Variants in CILP2 observed in about 807,000 individuals in gnomAD.
The protein encoded by CILP2 is CILP-2.
CILP2 carries 38 observed loss-of-function variants against 45.6 expected under a neutral mutation model. That is an observed-to-expected ratio of 0.83 (90% CI 0.64 to 1.09). The LOEUF (loss-of-function observed/expected upper bound fraction) is 1.09, where lower values mean the gene tolerates loss of function less well. Among genes scored for constraint, CILP2 ranks in the 50% least tolerant of loss-of-function variants. The pLI, the probability that CILP2 is intolerant of heterozygous loss-of-function variation, is 0.00. For synonymous variants in CILP2, 780 were observed against 723.5 expected (o/e 1.08, Z -1.25); for missense variants, 1,735 against 1,662.2 (o/e 1.04, Z -0.76).
At position 19,545,456 on chromosome 19, in the gene CILP2, G is replaced by T. The variant is rs1327562050; in HGVS notation, c.2911G>T (p.Gly971Ter). Reference sequence around the variant, plus strand: ...CCCACGCACCCGCGGCCAGCTCTACGGACTTCGGGATGCCCGGAGTGTGCG... The same window carrying T: ...CCCACGCACCCGCGGCCAGCTCTACTGACTTCGGGATGCCCGGAGTGTGCG... ...SHPRTRGQLY[G>*]LRDARSVRDP... Residue 971 changes from glycine to a stop codon, truncating the protein, a stop_gained, in exon 8 of 8, where the codon GGA becomes TGA. Transcript: ENST00000291495. LOFTEE classifies it low-confidence loss of function (END_TRUNC). 6.2e-7 allele frequency: 1 copy of T among 1,612,252 alleles called. No homozygotes were observed. The highest frequency in any genetic ancestry group is 8.5e-7 in the Non-Finnish European group (1 of 1,179,642).
In CILP2 at chr19:19,542,452, C is replaced by A. The variant is rs1333130654; in HGVS notation, c.670C>A (p.Leu224Ile). Reference protein sequence around the residue: ...SVVTPSGQPLLGARVSLRDQP... With the variant: ...SVVTPSGQPLIGARVSLRDQP... The stretch of plus-strand genomic sequence containing the variant: ...GGTCACCCCATCTGGGCAACCACTG[C>A]TAGGAGCCAGGGTCTCCCTGCGAGA... The change falls in exon 5 of 8, where the codon CTA (leucine) becomes ATA (isoleucine). Residue 224 changes from leucine (L) to isoleucine (I), a missense_variant. Transcript: ENST00000291495. The A allele has an allele frequency of 6.2e-7, 1 of 1,612,816 alleles. No individual in the cohort carries two copies. Among genetic ancestry groups the A allele is most frequent in the East Asian group, 2.2e-5 (1 of 44,876 alleles).
In CILP2 at chr19:19,544,075, C is replaced by A; in HGVS notation, c.1530C>A (p.Thr510=). Residue 510 remains threonine, a synonymous_variant, in exon 8 of 8, where the codon ACC becomes ACA. Transcript: ENST00000291495. ...TCACCGCCTACCAGGGCGACTTTAC[C>A]ATTGAGGTGCCGCCCTCCACCCAGC... ...IGFTAYQGDF[T]IEVPPSTQRL... The A allele has an allele frequency of 6.2e-7, 1 of 1,614,032 alleles. No individual in the cohort carries two copies. Among genetic ancestry groups the A allele is most frequent in the Non-Finnish European group, 8.5e-7 (1 of 1,180,020 alleles).
intron 5 of CILP2, 88 bp from the exon 6 acceptor site, chr19:19,542,776 C>A (rs2061249194): frequency 1.3e-6 from 2 of 1,562,292 alleles, no homozygotes; most frequent in East Asian, 4.5e-5. Context: ...AGTGAGTCGG[C>A]ATTTCTGGGA....
intron 5 of CILP2, 66 bp downstream of exon 5, chr19:19,542,716 ATC>A: frequency 1.9e-6 from 3 of 1,598,204 alleles, no homozygotes; most frequent in Non-Finnish European, 2.6e-6. Flanking sequence ...CTAGCACTCG[ATC>A]AAGAGAGGAA....
At position 19,540,458 on chromosome 19, in the gene CILP2, C is replaced by T; in HGVS notation, c.418C>T (p.Arg140Cys). 1.4e-6 allele frequency: 2 copies of T among 1,435,422 alleles called. No individual in the cohort carries two copies. Among genetic ancestry groups the T allele is most frequent in the South Asian group, 2.9e-5 (2 of 70,010 alleles). The allele number at this position is 1,435,422 out of a possible 1,614,324, so 88.9% of individuals were successfully genotyped here. ...CCGCCGCTGCTCCAACTACCACGTG[C>T]GCTTCCGCTGCCCACTAGGTGAGGG... is the stretch of plus-strand genomic sequence containing the variant. ...RGRRCSNYHV[R>C]FRCPLEASWG... Residue 140 changes from arginine to cysteine, a missense_variant, in exon 3 of 8, where the codon CGC (arginine) becomes TGC (cysteine). Arg to Cys is a radical substitution (Grantham distance 180). Transcript: ENST00000291495.
chr19:19,541,247 G>C lies in CILP2; in HGVS notation c.592+1G>C. The stretch of plus-strand genomic sequence containing the variant: ...AAGTGCGTGCGGCCTCGGTGTCCAG[G>C]TAGGAGGGGCGGGGTCTGGAGGCTG... On this transcript the variant is annotated splice_donor_variant, in intron 4 of 7. Transcript: ENST00000291495. LOFTEE classifies it high-confidence loss of function. 7.8e-7 allele frequency: 1 copy of C among 1,289,014 alleles called. No homozygotes were observed. The highest frequency in any genetic ancestry group is 9.8e-7 in the Non-Finnish European group (1 of 1,016,958). The allele number at this position is 1,289,014 out of a possible 1,614,324, so 79.8% of individuals were successfully genotyped here. A position where few individuals can be genotyped will look rare whatever the true frequency, so the allele number is the denominator to read the frequency against.
At chr19:19,540,620 C>A in intron 3 of CILP2, 144 bp downstream of exon 3, 2 of 945,852 alleles carry the variant, frequency 2.1e-6, no homozygotes, top group East Asian at 3.2e-5. Flanking sequence ...GACCCTTAGG[C>A]GTAGGACGAC....
rs139539877 is a variant in CILP2 at position 19,544,086 on chromosome 19, C to A, written c.1541C>A (p.Pro514Gln). The change falls in exon 8 of 8, where the codon CCG (proline) becomes CAG (glutamine). Residue 514 changes from proline (P) to glutamine (Q), a missense_variant. Transcript: ENST00000291495. Reference sequence around the variant, plus strand: ...CAGGGCGACTTTACCATTGAGGTGCCGCCCTCCACCCAGCGGCTGGTGGTG... The same window carrying A: ...CAGGGCGACTTTACCATTGAGGTGCAGCCCTCCACCCAGCGGCTGGTGGTG... Reference protein sequence around the residue: ...AYQGDFTIEVPPSTQRLVVTF... With the variant: ...AYQGDFTIEVQPSTQRLVVTF... 1 of 1,614,010 alleles carries A rather than the reference C, an allele frequency of 6.2e-7. No individual in the cohort carries two copies. The highest frequency in any genetic ancestry group is 1.7e-5 in the Admixed American group (1 of 60,024).
rs763791673 is a variant in CILP2, at chr19:19,543,662, A to T, written c.1136-19A>T. ...AGTCCTCCTCCCTGCCCTGACCTGC[A>T]TGTTTTCTTTGTCCCCAGCCCCAGG... On this transcript the variant is annotated intron_variant, in intron 7 of 7. Transcript: ENST00000291495. 1.3e-6 allele frequency: 2 copies of T among 1,575,490 alleles called. No homozygotes were observed. The highest frequency in any genetic ancestry group is 2.2e-5 in the East Asian group (1 of 44,490).
At position 19,545,986 on chromosome 19, in the gene CILP2, C is replaced by A. The variant is rs371775220; in HGVS notation, c.3441C>A (p.Leu1147=). The change falls in exon 8 of 8, where the codon CTC becomes CTA. Residue 1147 remains leucine, a synonymous_variant. Coordinates refer to ENST00000291495, the MANE Select transcript of CILP2 (RefSeq NM_153221.2). The stretch of plus-strand genomic sequence containing the variant: ...CACAGGCCCGGGCCTCAGGTCCCCT[C>A]CGCACCCGCCGGGGTAGGGTCCGGC... The part of the protein sequence containing the change: ...AQAQARASGP[L]RTRRGRVRQ The A allele has an allele frequency of 2.7e-6, 4 of 1,507,038 alleles. No homozygotes were observed. The highest frequency in any genetic ancestry group is 2.6e-5 in the South Asian group (2 of 76,366). 93.4% of individuals were successfully genotyped at this position (1,507,038 alleles called of 1,614,324 possible). A position where few individuals can be genotyped will look rare whatever the true frequency, so the allele number is the denominator to read the frequency against.
Position 19,545,692 on chromosome 19 carries a change from G to A in CILP2, c.3147G>A (p.Leu1049=). 1.2e-6 allele frequency: 2 copies of A among 1,612,408 alleles called. No individual in the cohort carries two copies. The highest frequency in any genetic ancestry group is 1.1e-5 in the South Asian group (1 of 90,940). Residue 1049 remains leucine (L), a synonymous_variant, in exon 8 of 8, where the codon CTG becomes CTA. Transcript: ENST00000291495. ...AGGACCCAGCTGCCTTCTCCATGCT[G>A]GCCCCCCTAGACCCTCTGGGCCACA... ...PAEDPAAFSM[L]APLDPLGHNY...
rs779080315 is a variant in CILP2, at chr19:19,545,744, C to T, written c.3199C>T (p.Gln1067Ter). ...CTATGGCGTCTACACTGTCACTGAC[C>T]AGAGCCCACGCTTGGCCAAGGAGAT... ...HNYGVYTVTD[Q>*]SPRLAKEIAI... The change falls in exon 8 of 8, where the codon CAG (glutamine) becomes TAG (stop). Residue 1067 changes from glutamine (Q) to a stop codon, truncating the protein, a stop_gained. Coordinates refer to ENST00000291495, the MANE Select transcript of CILP2 (RefSeq NM_153221.2). LOFTEE classifies it low-confidence loss of function (END_TRUNC). 1 of 1,612,738 alleles carries T rather than the reference C, an allele frequency of 6.2e-7. No homozygotes were observed. Among genetic ancestry groups the T allele is most frequent in the East Asian group, 2.2e-5 (1 of 44,860 alleles).
rs1317540879 is a variant in CILP2, at chr19:19,545,578, C to A, written c.3033C>A (p.Thr1011=). 1.2e-6 allele frequency: 2 copies of A among 1,610,902 alleles called. No individual in the cohort carries two copies. Among genetic ancestry groups the A allele is most frequent in the Non-Finnish European group, 1.7e-6 (2 of 1,178,990 alleles). Reference sequence around the variant, plus strand: ...GGCAGGTGGACAGGACGCTGGTGACCATTATGCCCCAGGGCAGCTGCCGGC... The same window carrying A: ...GGCAGGTGGACAGGACGCTGGTGACAATTATGCCCCAGGGCAGCTGCCGGC... ...DQRQVDRTLV[T]IMPQGSCRRV... The change falls in exon 8 of 8, where the codon ACC becomes ACA. Residue 1011 remains threonine, a synonymous_variant. Coordinates refer to ENST00000291495, the MANE Select transcript of CILP2 (RefSeq NM_153221.2).
intron 1 of CILP2, among the ~76,000 whole-genome samples, chr19:19,538,659 G>C (rs1166114955): frequency 1.3e-5 from 2 of 152,240 alleles, no homozygotes; most frequent in Non-Finnish European, 2.9e-5. Context: ...TTTGGACTCT[G>C]AATCACCGGC....
Position 19,545,618 on chromosome 19 carries a change from G to T in CILP2, c.3073G>T (p.Gly1025Ter), listed in dbSNP as rs148704674. 1.2e-6 allele frequency: 2 copies of T among 1,607,864 alleles called. No homozygotes were observed. The highest frequency in any genetic ancestry group is 1.7e-6 in the Non-Finnish European group (2 of 1,176,828). The change falls in exon 8 of 8, where the codon GGA becomes TGA. Residue 1025 changes from glycine to a stop codon, truncating the protein, a stop_gained. Coordinates refer to ENST00000291495, the MANE Select transcript of CILP2 (RefSeq NM_153221.2). LOFTEE classifies it low-confidence loss of function (END_TRUNC). ...QGSCRRVAVN[G>*]LLRDYLTRHP... is the part of the protein sequence containing the mutation. ...CAGCTGCCGGCGCGTGGCCGTCAAC[G>T]GACTCCTTCGGGATTACCTGACCCG...
chr19:19,545,735 G>A lies in CILP2; in HGVS notation c.3190G>A (p.Val1064Ile). Residue 1064 changes from valine to isoleucine, a missense_variant, in exon 8 of 8, where the codon GTC (valine) becomes ATC (isoleucine). Coordinates refer to ENST00000291495, the MANE Select transcript of CILP2 (RefSeq NM_153221.2). Reference sequence around the variant, plus strand: ...GGGCCACAACTATGGCGTCTACACTGTCACTGACCAGAGCCCACGCTTGGC... The same window carrying A: ...GGGCCACAACTATGGCGTCTACACTATCACTGACCAGAGCCCACGCTTGGC... ...PLGHNYGVYT[V>I]TDQSPRLAKE... is the part of the protein sequence containing the mutation. 6.2e-7 allele frequency: 1 copy of A among 1,613,212 alleles called. No individual in the cohort carries two copies. The highest frequency in any genetic ancestry group is 8.5e-7 in the Non-Finnish European group (1 of 1,179,760).
intron 2 of CILP2, 152 bp downstream of exon 2, chr19:19,539,929 C>T: frequency 2.8e-6 from 2 of 718,400 alleles, no homozygotes; most frequent in Non-Finnish European, 4.3e-6. Flanking sequence ...GGAGGTGATG[C>T]CCCAAGTTCA....
At chr19:19,541,039 G>A (rs570972005) in intron 3 of CILP2, 52 bp from the exon 4 acceptor site, 16 of 1,237,424 alleles carry the variant, frequency 1.3e-5, no homozygotes, top group African/African-American at 1.5e-5. Context: ...TTACCCGGAG[G>A]CGCAGTTCCT....
intron 4 of CILP2, among the ~76,000 whole-genome samples, chr19:19,541,773 C>G (rs1465541320): frequency 1.3e-5 from 2 of 152,214 alleles, no homozygotes; most frequent in African/African-American, 4.8e-5. Context: ...CTAGGCCCTC[C>G]CAGGGCCAGA....
Sources: allele counts gnomAD v4.1 joint callset (sites outside exome capture counted in the v4.1 genomes callset), GRCh38; gene constraint gnomAD v4.1.1; transcripts MANE v1.5; gene names NCBI Gene and HGNC (gene_info 2026-07-23, HGNC 2026-07-21).